SUMF1: variants seen among roughly 807,000 people sequenced by gnomAD.
SUMF1 encodes sulfatase modifying factor 1.
A neutral mutation model predicts 47.6 loss-of-function variants in SUMF1; 48 were observed. The observed-to-expected ratio is 1.01, with a 90% CI of 0.80 to 1.28. The LOEUF (loss-of-function observed/expected upper bound fraction) is 1.28. SUMF1 is among the 50% of genes most tolerant of loss of function. The probability of loss-of-function intolerance (pLI) is 0.00; values close to 1 mark genes in which losing one functional copy is unlikely to be tolerated. For synonymous variants in SUMF1, 230 were observed against 192.1 expected (o/e 1.20, Z -1.63); for missense variants, 571 against 485.4 (o/e 1.18, Z -1.66).
intron 9 of SUMF1, among the ~76,000 whole-genome samples, chr3:4,056,219 G>C (rs1279278536): frequency 6.6e-6 from 1 of 152,152 alleles, no homozygotes; most frequent in East Asian, 1.9e-4. Context: ...CTGCCTAGCA[G>C]AGTTGTCTTC....
intron 8 of SUMF1, among the ~76,000 whole-genome samples, chr3:4,177,616 C>G (rs1465982666): frequency 6.6e-6 from 1 of 152,044 alleles, no homozygotes; most frequent in Non-Finnish European, 1.5e-5. Context: ...ACCCTAATAT[C>G]ACAATTAAAA....
At chr3:4,424,207 GTTTT>G (rs900358264) in intron 3 of SUMF1, among the ~76,000 whole-genome samples, 3 of 152,060 alleles carry the variant, frequency 2.0e-5, no homozygotes, top group African/African-American at 7.2e-5. Context: ...TAGTACTATA[GTTTT>G]TTTATCTCCT....
At chr3:4,457,296 C>T in intron 1 of SUMF1, among the ~76,000 whole-genome samples, 1 of 151,672 alleles carries the variant, frequency 6.6e-6, no homozygotes. Flanking sequence ...AGAAATTAAT[C>T]CCAGGCCAGG....
At chr3:4,344,686 C>T (rs530896808) in intron 8 of SUMF1, among the ~76,000 whole-genome samples, 9 of 152,070 alleles carry the variant, frequency 5.9e-5, no homozygotes, top group South Asian at 4.2e-4. Flanking sequence ...GAGGATCAGA[C>T]GGATGAATTG....
chr3:4,133,119 T>G (rs1454313017), intron 8 of SUMF1, among the ~76,000 whole-genome samples: 1 of 152,146 alleles, frequency 6.6e-6, no homozygotes, highest in African/African-American at 2.4e-5. Flanking sequence ...TTGTCATGAG[T>G]ACTTCCTTCT....
At chr3:4,376,506 T>C in intron 7 of SUMF1, 117 bp from the exon 8 acceptor site, 3 of 1,033,290 alleles carry the variant, frequency 2.9e-6, no homozygotes, top group Non-Finnish European at 4.6e-6. Context: ...ACTCTCCACA[T>C]GCATTTCCAC....
intron 8 of SUMF1, among the ~76,000 whole-genome samples, chr3:4,070,427 T>C (rs1196187642): frequency 6.6e-6 from 1 of 152,178 alleles, no homozygotes; most frequent in African/African-American, 2.4e-5. Flanking sequence ...CAACGTCTCT[T>C]TGAACCAGAA....
intron 7 of SUMF1, among the ~76,000 whole-genome samples, chr3:4,386,531 A>G (rs1700678903): frequency 6.6e-6 from 1 of 152,086 alleles, no homozygotes; most frequent in Admixed American, 6.5e-5. Context: ...GTAAACAAAC[A>G]CTCATATATC....
rs1159845507 is a variant in SUMF1 at position 4,312,855 on chromosome 3, T to G, written c.1014+63475A>C. ...AGCTACTTGGAATATATAGGAAATATATGACATGCCGTGCTGACTTACAGT... is the reference window on the plus strand; with the variant it reads ...AGCTACTTGGAATATATAGGAAATAGATGACATGCCGTGCTGACTTACAGT... On this transcript the variant is annotated intron_variant and NMD_transcript_variant, in intron 8 of 12. Transcript: ENST00000448413. 1.9e-6 allele frequency: 3 copies of G among 1,547,262 alleles called. No individual in the cohort carries two copies. In the Admixed American group the frequency reaches 6.0e-5, roughly 31 times the overall value.
At chr3:4,451,846 G>T (rs1702981265) in intron 2 of SUMF1, among the ~76,000 whole-genome samples, 1 of 152,084 alleles carries the variant, frequency 6.6e-6, no homozygotes, top group Non-Finnish European at 1.5e-5. Flanking sequence ...ACCATGCCCG[G>T]CTAATTTTTT....
At chr3:4,463,948 C>G (rs1379531106) in intron 1 of SUMF1, among the ~76,000 whole-genome samples, 1 of 152,166 alleles carries the variant, frequency 6.6e-6, no homozygotes, top group Non-Finnish European at 1.5e-5. Context: ...GTTTCCCAGA[C>G]AATTCTAATC....
intron 8 of SUMF1, among the ~76,000 whole-genome samples, chr3:4,103,667 A>G (rs1361686555): frequency 6.6e-6 from 1 of 152,174 alleles, no homozygotes; most frequent in Admixed American, 6.5e-5. Context: ...AATAAACACC[A>G]ACATTTAATG....
intron 8 of SUMF1, among the ~76,000 whole-genome samples, chr3:4,283,708 T>C (rs971931691): frequency 6.6e-6 from 1 of 152,322 alleles, no homozygotes; most frequent in Admixed American, 6.5e-5. Flanking sequence ...CAGAAAGGGA[T>C]TGACTTAGTC....
rs200741318 is a variant in SUMF1 at position 4,413,862 on chromosome 3, CA to C, written c.841-2885del. Among the ~76,000 whole-genome samples the C allele has an allele frequency of 5.3e-5, 8 of 149,818 alleles. No individual in the cohort carries two copies. The East Asian group carries it at 1.2e-3, about 22-fold the overall frequency. ...GAAACACAATGAGACCTCACCTCCACAAAAAAAAAATTTTTTTTTAAGATAG... is the reference window on the plus strand; with the variant it reads ...GAAACACAATGAGACCTCACCTCCACAAAAAAAAATTTTTTTTTAAGATAG... On this transcript the variant is annotated intron_variant, in intron 6 of 8. Coordinates refer to ENST00000272902, the MANE Select transcript of SUMF1 (RefSeq NM_182760.4).
At chr3:4,133,594 T>G (rs1330345688) in intron 8 of SUMF1, among the ~76,000 whole-genome samples, 1 of 152,042 alleles carries the variant, frequency 6.6e-6, no homozygotes, top group African/African-American at 2.4e-5. Context: ...GCAGCTAGAT[T>G]ATATACAGGT....
At chr3:4,120,465 G>A (rs530171870) in intron 8 of SUMF1, among the ~76,000 whole-genome samples, 4 of 152,228 alleles carry the variant, frequency 2.6e-5, no homozygotes, top group East Asian at 3.9e-4. Flanking sequence ...AAAATTACAG[G>A]TTATTTGTGA....
chr3:4,403,554 A>T (rs1224269687), intron 7 of SUMF1, among the ~76,000 whole-genome samples: 1 of 152,194 alleles, frequency 6.6e-6, no homozygotes, highest in Non-Finnish European at 1.5e-5. Flanking sequence ...TGGGTGGGGC[A>T]GGGGAGACGC....
chr3:4,218,702 C>T (rs771355166), intron 8 of SUMF1, among the ~76,000 whole-genome samples: 2 of 152,104 alleles, frequency 1.3e-5, no homozygotes, highest in Non-Finnish European at 2.9e-5. Context: ...AAACCAGAAG[C>T]CTATTGTTCT....
intron 8 of SUMF1, among the ~76,000 whole-genome samples, chr3:4,222,721 TG>T (rs1696093862): frequency 6.6e-6 from 1 of 152,100 alleles, no homozygotes; most frequent in Admixed American, 6.6e-5. Flanking sequence ...AACCAGCAGA[TG>T]GAACAGAAGG....
Sources: allele counts gnomAD v4.1 joint callset (sites outside exome capture counted in the v4.1 genomes callset), GRCh38; gene constraint gnomAD v4.1.1; transcripts MANE v1.5; gene names NCBI Gene and HGNC (gene_info 2026-07-23, HGNC 2026-07-21).